The following BCL2 variants were observed in gnomAD, a reference collection of about 807,000 sequenced individuals.
BCL2 encodes the protein BCL2 apoptosis regulator, also known as apoptosis regulator Bcl-2.
Under a neutral mutation model 14.2 loss-of-function variants are expected in BCL2, and 1 was observed. The observed-to-expected ratio is 0.07, with a 90% CI of 0.02 to 0.33. The LOEUF (loss-of-function observed/expected upper bound fraction) is 0.33. Among genes scored for constraint, BCL2 ranks in the 10% least tolerant of loss-of-function variants. BCL2 has a pLI of 0.99. For synonymous variants in BCL2, 151 were observed against 137.2 expected (o/e 1.10, Z -0.70); for missense variants, 247 against 305.9 (o/e 0.81, Z 1.44).
chr18:63,267,078 G>A (rs867814502), intron 2 of BCL2, among the ~76,000 whole-genome samples: 4 of 152,132 alleles, frequency 2.6e-5, no homozygotes, highest in Non-Finnish European at 4.4e-5. Flanking sequence ...GGAGATGCTC[G>A]CACTGAGGGA....
At chr18:63,194,674 A>G (rs1464605915) in intron 2 of BCL2, among the ~76,000 whole-genome samples, 6 of 152,240 alleles carry the variant, frequency 3.9e-5, no homozygotes, top group African/African-American at 1.4e-4. Flanking sequence ...ATCAGCAGAT[A>G]ACTTACAAGT....
chr18:63,232,595 C>A (rs1910719834), intron 2 of BCL2, among the ~76,000 whole-genome samples: 1 of 152,214 alleles, frequency 6.6e-6, no homozygotes. Flanking sequence ...CAATTAAATA[C>A]CTTTTCAATA....
chr18:63,209,410 G>A (rs1039064767), intron 2 of BCL2, among the ~76,000 whole-genome samples: 4 of 152,152 alleles, frequency 2.6e-5, no homozygotes, highest in Non-Finnish European at 2.9e-5. Context: ...GTCTGTGTAC[G>A]GATACAAAGA....
intron 2 of BCL2, among the ~76,000 whole-genome samples, chr18:63,289,604 C>G (rs542962874): frequency 6.6e-6 from 1 of 152,006 alleles, no homozygotes; most frequent in African/African-American, 2.4e-5. Flanking sequence ...AAAAGAGGAG[C>G]CTTAAAATAA....
In BCL2 at chr18:63,149,844, CATTTATTTATTTATTTATTTATTT is replaced by C. The variant is rs372022076; in HGVS notation, c.586-21109_586-21086del. Among the ~76,000 whole-genome samples, 4 of 147,276 alleles carry C rather than the reference CATTTATTTATTTATTTATTTATTT, an allele frequency of 2.7e-5. No homozygotes were observed. Among genetic ancestry groups the C allele is most frequent in the African/African-American group, 5.0e-5 (2 of 39,614 alleles). On this transcript the variant is annotated intron_variant, in intron 2 of 2. Transcript: ENST00000333681. This position sits in a 1 kb window ranked among gnomAD's most constrained non-coding sequence, Gnocchi z 4.2. ...CAGAAAGGGTTCTCCTGACATGAGG[CATTTATTTATTTATTTATTTATTT>C]ATTTATTTATTTATTTATTTATTTT...
At chr18:63,155,755 C>T (rs1319489092) in intron 2 of BCL2, among the ~76,000 whole-genome samples, 1 of 152,224 alleles carries the variant, frequency 6.6e-6, no homozygotes, top group Non-Finnish European at 1.5e-5. Flanking sequence ...ATGCCAGGCA[C>T]TCTGCCAATT....
At chr18:63,239,614 C>A (rs1206809669) in intron 2 of BCL2, among the ~76,000 whole-genome samples, 1 of 152,116 alleles carries the variant, frequency 6.6e-6, no homozygotes, top group Non-Finnish European at 1.5e-5. Flanking sequence ...GCAATGCATG[C>A]CTGTAATCCC....
intron 2 of BCL2, among the ~76,000 whole-genome samples, chr18:63,140,013 G>C (rs1327904209): frequency 6.6e-6 from 1 of 152,226 alleles, no homozygotes; most frequent in African/African-American, 2.4e-5. Context: ...CATTTTACCA[G>C]TGAAGGTACA....
At chr18:63,242,730 G>A (rs1911043397) in intron 2 of BCL2, among the ~76,000 whole-genome samples, 1 of 152,194 alleles carries the variant, frequency 6.6e-6, no homozygotes, top group Admixed American at 6.5e-5. Context: ...CGTATGTGAA[G>A]TGGTATGATT....
At chr18:63,156,993 T>A in intron 2 of BCL2, among the ~76,000 whole-genome samples, 1 of 152,214 alleles carries the variant, frequency 6.6e-6, no homozygotes, top group East Asian at 1.9e-4. Flanking sequence ...TGAACATGAA[T>A]CTGGGGCCAC....
intron 2 of BCL2, among the ~76,000 whole-genome samples, chr18:63,273,727 C>A (rs1686246575): frequency 6.6e-6 from 1 of 152,132 alleles, no homozygotes; most frequent in Non-Finnish European, 1.5e-5. Context: ...TGGCTACACC[C>A]CTGACCACCC....
chr18:63,212,696 G>A (rs1296044810), intron 2 of BCL2, among the ~76,000 whole-genome samples: 2 of 152,090 alleles, frequency 1.3e-5, no homozygotes, highest in Non-Finnish European at 1.5e-5. Context: ...CCAACATGGT[G>A]AAATCCTGTC....
chr18:63,161,112 T>C (rs1425530977), intron 2 of BCL2, among the ~76,000 whole-genome samples: 1 of 152,160 alleles, frequency 6.6e-6, no homozygotes, highest in Non-Finnish European at 1.5e-5. Context: ...ATGAAAACAA[T>C]GTGGTTGAAA....
At chr18:63,158,923 A>C (rs1914849429) in intron 2 of BCL2, among the ~76,000 whole-genome samples, 1 of 152,210 alleles carries the variant, frequency 6.6e-6, no homozygotes, top group African/African-American at 2.4e-5. Context: ...GTTTTTCCAA[A>C]GCAGTGCAAT....
At chr18:63,132,122 T>C (rs1040635552) in intron 2 of BCL2, among the ~76,000 whole-genome samples, 2 of 152,232 alleles carry the variant, frequency 1.3e-5, no homozygotes, top group Non-Finnish European at 2.9e-5. Flanking sequence ...CCCAGGGGGC[T>C]GAGAAGGGCA....
At chr18:63,275,339 C>T (rs1452871388) in intron 2 of BCL2, among the ~76,000 whole-genome samples, 1 of 152,094 alleles carries the variant, frequency 6.6e-6, no homozygotes, top group East Asian at 1.9e-4. Flanking sequence ...CATGAAAACA[C>T]ACTCAGCAAC....
chr18:63,266,129 G>A (rs531504559), intron 2 of BCL2, among the ~76,000 whole-genome samples: 7 of 151,992 alleles, frequency 4.6e-5, no homozygotes, highest in African/African-American at 7.2e-5. Flanking sequence ...TAATCTCTGC[G>A]GCACTGATTG....
intron 2 of BCL2, among the ~76,000 whole-genome samples, chr18:63,308,350 T>TA (rs1211124861): frequency 7.2e-5 from 11 of 152,252 alleles, no homozygotes; most frequent in African/African-American, 2.7e-4. Context: ...TGATCAGAGT[T>TA]AAAATCCACC....
At chr18:63,292,945 G>A (rs778211886) in intron 2 of BCL2, among the ~76,000 whole-genome samples, 11 of 152,236 alleles carry the variant, frequency 7.2e-5, no homozygotes, top group African/African-American at 2.7e-4. Flanking sequence ...TAATAATAGC[G>A]ACGGCTCTCA....
Sources: gnomAD v4.1 joint callset for allele counts (sites outside exome capture counted in the v4.1 genomes callset) on GRCh38, gnomAD v4.1.1 for gene constraint, Gnocchi (gnomAD v3.1) non-coding constraint, MANE v1.5 for transcripts, NCBI Gene and HGNC (gene_info 2026-07-23, HGNC 2026-07-21) for gene names.